The following FSTL5 variants were observed in gnomAD, a reference collection of about 807,000 sequenced individuals.
FSTL5 encodes the protein follistatin like 5.
A neutral mutation model predicts 89.1 loss-of-function variants in FSTL5; 62 were observed. That is an observed-to-expected ratio of 0.70 (90% confidence interval 0.57 to 0.86). The LOEUF (loss-of-function observed/expected upper bound fraction) is 0.86. FSTL5 is among the 40% of genes least tolerant of loss of function. The pLI, the probability that FSTL5 is intolerant of heterozygous loss-of-function variation, is 0.00. For synonymous variants in FSTL5, 383 were observed against 346.2 expected, an observed-to-expected ratio of 1.11 and a Z score of -1.18; for missense variants, 1,057 against 1,001.6, an observed-to-expected ratio of 1.06 and a Z score of -0.75.
At chr4:162,057,229 A>G (rs1738573151) in intron 2 of FSTL5, among the ~76,000 whole-genome samples, 1 of 152,154 alleles carries the variant, frequency 6.6e-6, no homozygotes, top group Non-Finnish European at 1.5e-5. Flanking sequence ...ATAGCTTTCG[A>G]GTAGGATTGT....
At chr4:161,612,458 T>C (rs1034421481) in intron 7 of FSTL5, among the ~76,000 whole-genome samples, 1 of 152,250 alleles carries the variant, frequency 6.6e-6, no homozygotes, top group South Asian at 2.1e-4. Context: ...ACAACTATTC[T>C]GTGACAAGAA....
intron 3 of FSTL5, among the ~76,000 whole-genome samples, chr4:161,995,855 C>T (rs180709848): frequency 6.6e-6 from 1 of 150,956 alleles, no homozygotes; most frequent in African/African-American, 2.4e-5. Context: ...TAAGAGAACT[C>T]TCAGGGAGAC....
intron 6 of FSTL5, among the ~76,000 whole-genome samples, chr4:161,711,089 A>T (rs1165791079): frequency 2.0e-5 from 3 of 152,158 alleles, no homozygotes; most frequent in Non-Finnish European, 4.4e-5. Context: ...AATACATATT[A>T]TCTATGTAAT....
intron 3 of FSTL5, among the ~76,000 whole-genome samples, chr4:161,968,934 TACAC>T (rs147433060): frequency 0.02 from 2,810 of 140,162 alleles, 68 homozygotes; most frequent in African/African-American, 0.062. Flanking sequence ...GACACAGACA[TACAC>T]ACACACACAC....
intron 7 of FSTL5, among the ~76,000 whole-genome samples, chr4:161,620,003 G>A (rs1578973168): frequency 6.6e-6 from 1 of 152,026 alleles, no homozygotes; most frequent in Non-Finnish European, 1.5e-5. Context: ...GGAATACCAT[G>A]CAGCCATAAA....
At chr4:161,726,590 A>G (rs77342168) in intron 6 of FSTL5, among the ~76,000 whole-genome samples, 1,775 of 152,278 alleles carry the variant, frequency 0.012, 35 homozygotes, top group African/African-American at 0.04. Flanking sequence ...CATTATGCAC[A>G]CAAAATTAAC....
intron 7 of FSTL5, among the ~76,000 whole-genome samples, chr4:161,651,064 T>C (rs1315450696): frequency 6.6e-6 from 1 of 152,120 alleles, no homozygotes; most frequent in African/African-American, 2.4e-5. Flanking sequence ...TCTCCAGGTT[T>C]CTCTCAATAC....
At chr4:161,861,514 G>A (rs1481041371) in intron 4 of FSTL5, among the ~76,000 whole-genome samples, 1 of 152,108 alleles carries the variant, frequency 6.6e-6, no homozygotes, top group Non-Finnish European at 1.5e-5. Flanking sequence ...AGGCCTAAAT[G>A]CTAATTGAGT....
intron 2 of FSTL5, among the ~76,000 whole-genome samples, chr4:162,108,248 T>G (rs1731296783): frequency 6.6e-6 from 1 of 152,140 alleles, no homozygotes; most frequent in Admixed American, 6.6e-5. Flanking sequence ...AAATTTTCAA[T>G]TACATTTATG....
Position 161,773,372 on chromosome 4 carries a change from T to C in FSTL5, c.606+2506A>G, listed in dbSNP as rs369017269. On this transcript the variant is annotated intron_variant, in intron 5 of 15. Coordinates refer to ENST00000306100, the MANE Select transcript of FSTL5 (RefSeq NM_020116.5). ...ACTTAATTAAACTAAAAAGCCTCTG[T>C]ACAGCAAAAGAAACAATCAACAGAG... Among the ~76,000 whole-genome samples, 75 of 152,182 alleles carry C rather than the reference T, an allele frequency of 4.9e-4. 3 individuals carry two copies. In the South Asian group the frequency reaches 0.015, roughly 30 times the overall value.
chr4:161,944,206 A>G (rs2110932409), intron 3 of FSTL5, among the ~76,000 whole-genome samples: 1 of 152,252 alleles, frequency 6.6e-6, no homozygotes, highest in Non-Finnish European at 1.5e-5. Context: ...ATAACAACAT[A>G]TGCTACTATT....
chr4:161,857,072 C>T (rs1399368615), intron 4 of FSTL5, among the ~76,000 whole-genome samples: 2 of 152,066 alleles, frequency 1.3e-5, no homozygotes, highest in Non-Finnish European at 2.9e-5. Flanking sequence ...AACTGGAAAG[C>T]CATACATTGG....
intron 3 of FSTL5, among the ~76,000 whole-genome samples, chr4:161,980,167 G>A (rs78170133): frequency 1.1e-4 from 14 of 123,984 alleles, no homozygotes; most frequent in Admixed American, 1.6e-4. Flanking sequence ...AAGAAAGAAA[G>A]AAAAAGAAAG....
At chr4:161,651,112 T>A (rs1736326820) in intron 7 of FSTL5, among the ~76,000 whole-genome samples, 2 of 152,134 alleles carry the variant, frequency 1.3e-5, no homozygotes, top group Admixed American at 6.6e-5. Flanking sequence ...GCTTGCTTAA[T>A]TCAGTTTCCT....
At chr4:161,879,110 G>A (rs996526394) in intron 4 of FSTL5, among the ~76,000 whole-genome samples, 1 of 152,056 alleles carries the variant, frequency 6.6e-6, no homozygotes, top group Non-Finnish European at 1.5e-5. Flanking sequence ...TAGGTGAATA[G>A]CTGGCCAGTT....
At chr4:161,857,545 T>C (rs1731759931) in intron 4 of FSTL5, among the ~76,000 whole-genome samples, 1 of 152,174 alleles carries the variant, frequency 6.6e-6, no homozygotes, top group Non-Finnish European at 1.5e-5. Context: ...TCATTCTTCA[T>C]TACTTATTAT....
intron 2 of FSTL5, among the ~76,000 whole-genome samples, chr4:162,054,498 A>T (rs1260236164): frequency 6.6e-6 from 1 of 151,900 alleles, no homozygotes; most frequent in East Asian, 1.9e-4. Flanking sequence ...CATTACCACT[A>T]TTTGATAAAG....
intron 13 of FSTL5, among the ~76,000 whole-genome samples, chr4:161,475,693 A>T (rs1199917040): frequency 2.0e-5 from 3 of 151,708 alleles, no homozygotes; most frequent in African/African-American, 7.3e-5. Flanking sequence ...TAGTTATTTT[A>T]ATGTTTTTAT....
intron 1 of FSTL5, among the ~76,000 whole-genome samples, chr4:162,112,570 T>C (rs542904610): frequency 6.6e-6 from 1 of 152,218 alleles, no homozygotes; most frequent in South Asian, 2.1e-4. Context: ...AAACTCCCTT[T>C]CTCAATTATT....
Sources: allele counts gnomAD v4.1 joint callset (sites outside exome capture counted in the v4.1 genomes callset), GRCh38; gene constraint gnomAD v4.1.1; transcripts MANE v1.5; gene names NCBI Gene and HGNC (gene_info 2026-07-23, HGNC 2026-07-21).